PARD6G: variants seen among roughly 807,000 people sequenced by gnomAD.
PARD6G encodes par-6 family cell polarity regulator gamma, also known as partitioning defective 6 homolog gamma.
Under a neutral mutation model 10.7 loss-of-function variants are expected in PARD6G, and 7 were observed. The ratio of observed to expected loss-of-function variants is 0.66; its 90% CI spans 0.37 to 1.23. The LOEUF (loss-of-function observed/expected upper bound fraction) is 1.23, where lower values mean the gene tolerates loss of function less well. PARD6G is among the 50% of genes most tolerant of loss of function. The pLI is 0.02. For missense variants in PARD6G, 548 were observed against 571.8 expected (o/e 0.96, Z 0.42); for synonymous variants, 287 against 269.4 (o/e 1.07, Z -0.64).
rs112228484 is a variant in PARD6G at position 80,231,384 on chromosome 18, T to C, written c.72+15893A>G. On this transcript the variant is annotated intron_variant, in intron 1 of 2. Transcript: ENST00000353265. The surrounding 1 kb of genome is among the most constrained non-coding windows in gnomAD (Gnocchi z 4.2). ...GGAAGAAAGTGGGGTCCCATTCCGA[T>C]GTGAGCTCATGATACATGGAGGAAT... 6.6e-6 allele frequency among the ~76,000 whole-genome samples: 1 copy of C among 152,194 alleles called. No individual in the cohort carries two copies. Among genetic ancestry groups the C allele is most frequent in the Non-Finnish European group, 1.5e-5 (1 of 68,034 alleles).
rs773062517 is a variant in PARD6G, at chr18:80,206,571, T to C, written c.73-3639A>G. Among the ~76,000 whole-genome samples, 8 of 152,200 alleles carry C rather than the reference T, an allele frequency of 5.3e-5. 1 individual carries two copies. Among genetic ancestry groups the C allele is most frequent in the Non-Finnish European group, 4.4e-5 (3 of 68,040 alleles). On this transcript the variant is annotated intron_variant, in intron 1 of 2. Coordinates refer to ENST00000353265, the MANE Select transcript of PARD6G (RefSeq NM_032510.4). ...TGTCCTAACTGAACTGTCAGCTAATTATCAAAATAATTTTGAGAGACCACC... is the reference window on the plus strand; with the variant it reads ...TGTCCTAACTGAACTGTCAGCTAATCATCAAAATAATTTTGAGAGACCACC...
At chr18:80,162,922 G>A (rs1251799495) in intron 2 of PARD6G, among the ~76,000 whole-genome samples, 2 of 152,204 alleles carry the variant, frequency 1.3e-5, no homozygotes, top group African/African-American at 4.8e-5. Flanking sequence ...CTGGGACAGA[G>A]TGGGCTCTCC....
At chr18:80,205,149 A>T (rs1211828521) in intron 1 of PARD6G, among the ~76,000 whole-genome samples, 2 of 152,032 alleles carry the variant, frequency 1.3e-5, no homozygotes, top group East Asian at 1.9e-4. Context: ...ATCTCCTGCT[A>T]TTGTCAGAAG....
intron 1 of PARD6G, among the ~76,000 whole-genome samples, chr18:80,218,564 A>G (rs1967195418): frequency 6.6e-6 from 1 of 151,894 alleles, no homozygotes; most frequent in African/African-American, 2.4e-5. Flanking sequence ...GGTTGCTTTC[A>G]TGGGCTGGTA....
intron 1 of PARD6G, among the ~76,000 whole-genome samples, chr18:80,240,126 T>C (rs1319111093): frequency 6.6e-6 from 1 of 152,248 alleles, no homozygotes; most frequent in Non-Finnish European, 1.5e-5. Context: ...TCCACCTCCA[T>C]GACCCAAACA....
In PARD6G at chr18:80,160,203, C is replaced by T. The variant is rs927230437; in HGVS notation, c.699G>A (p.Thr233=). 14 of 1,613,154 alleles carry T rather than the reference C, an allele frequency of 8.7e-6. No individual in the cohort carries two copies. Among genetic ancestry groups the T allele is most frequent in the Admixed American group, 6.7e-5 (4 of 60,000 alleles). Residue 233 remains threonine, a synonymous_variant, in exon 3 of 3, where the codon ACG becomes ACA. Transcript: ENST00000353265. ...TGTGGCTGTTGGCGATCATCATGTC[C>T]GTGACCTGGTCCAGCGTCTTCCCGG... ...EVAGKTLDQV[T]DMMIANSHNL...
intron 1 of PARD6G, among the ~76,000 whole-genome samples, chr18:80,219,886 A>G (rs903081189): frequency 1.3e-5 from 2 of 151,936 alleles, no homozygotes; most frequent in African/African-American, 2.4e-5. Context: ...ACATTTCCCT[A>G]TCTTCTTCTG....
rs926138854 is a variant in PARD6G at position 80,180,969 on chromosome 18, G to A, written c.296-20363C>T. 7.2e-5 allele frequency among the ~76,000 whole-genome samples: 11 copies of A among 152,338 alleles called. No individual in the cohort carries two copies. The South Asian group carries it at 8.3e-4, about 11-fold the overall frequency. On this transcript the variant is annotated intron_variant, in intron 2 of 2. Transcript: ENST00000353265. This position sits in a 1 kb window ranked among gnomAD's most constrained non-coding sequence, Gnocchi z 5.6. ...AGCAAAGAAATGTCCAGCGCAGAAC[G>A]TCAGCAGTGCTGAGGGTAAGAACCC...
chr18:80,234,851 C>T (rs1967401393), intron 1 of PARD6G, among the ~76,000 whole-genome samples: 1 of 152,196 alleles, frequency 6.6e-6, no homozygotes, highest in Admixed American at 6.5e-5. Context: ...CACCCAGATT[C>T]ATAAAGCAAG....
At chr18:80,239,936 T>C (rs1256607954) in intron 1 of PARD6G, among the ~76,000 whole-genome samples, 1 of 151,826 alleles carries the variant, frequency 6.6e-6, no homozygotes, top group African/African-American at 2.4e-5. Flanking sequence ...GGAGGGCTTC[T>C]GGCTGCTTCT....
intron 1 of PARD6G, among the ~76,000 whole-genome samples, chr18:80,207,716 C>G (rs1967067083): frequency 6.6e-6 from 1 of 152,168 alleles, no homozygotes; most frequent in Non-Finnish European, 1.5e-5. Flanking sequence ...ATCTTGCAAG[C>G]TAGAACCCTA....
At position 80,231,357 on chromosome 18, in the gene PARD6G, G is replaced by A. The variant is rs760560513; in HGVS notation, c.72+15920C>T. Among the ~76,000 whole-genome samples the A allele has an allele frequency of 4.6e-5, 7 of 152,208 alleles. No individual in the cohort carries two copies. The highest frequency in any genetic ancestry group is 1.4e-4 in the African/African-American group (6 of 41,448). On this transcript the variant is annotated intron_variant, in intron 1 of 2. Transcript: ENST00000353265. This position sits in a 1 kb window ranked among gnomAD's most constrained non-coding sequence, Gnocchi z 4.2. Reference sequence around the variant, plus strand: ...AGGCAGAAGCCTCGAACTCCAGCCCGTGGAAGAAAGTGGGGTCCCATTCCG... The same window carrying A: ...AGGCAGAAGCCTCGAACTCCAGCCCATGGAAGAAAGTGGGGTCCCATTCCG...
At position 80,159,255 on chromosome 18, in the gene PARD6G, TG is replaced by T. The variant is rs1210897070; in HGVS notation, c.*515del. On this transcript the variant is annotated 3_prime_UTR_variant, in exon 3 of 3. Coordinates refer to ENST00000353265, the MANE Select transcript of PARD6G (RefSeq NM_032510.4). ...AGCCCACGTAGGCCTCCCAAAGTGC[TG>T]GGATTACAGACGTGAGCCACTGCAC... 1.3e-5 allele frequency: 2 copies of T among 152,406 alleles called. No individual in the cohort carries two copies. Among genetic ancestry groups the T allele is most frequent in the African/African-American group, 2.4e-5 (1 of 41,426 alleles). 9.4% of individuals were successfully genotyped at this position (152,406 alleles called of 1,614,324 possible). A position where few individuals can be genotyped will look rare whatever the true frequency, so the allele number is the denominator to read the frequency against.
intron 2 of PARD6G, among the ~76,000 whole-genome samples, chr18:80,172,636 C>T (rs578221719): frequency 5.3e-4 from 81 of 152,322 alleles, no homozygotes; most frequent in African/African-American, 1.9e-3. Flanking sequence ...CTGCCTGCCT[C>T]GTTCTCCCAA....
At chr18:80,242,621 G>A (rs1967502968) in intron 1 of PARD6G, among the ~76,000 whole-genome samples, 1 of 152,202 alleles carries the variant, frequency 6.6e-6, no homozygotes, top group Non-Finnish European at 1.5e-5. Flanking sequence ...CTGGGGGCAA[G>A]GTCACAACAC....
At chr18:80,185,864 G>C (rs575479329) in intron 2 of PARD6G, among the ~76,000 whole-genome samples, 1 of 96,274 alleles carries the variant, frequency 1.0e-5, no homozygotes, top group East Asian at 3.3e-4. Context: ...GCACCCTCTC[G>C]CATATACTGT....
intron 1 of PARD6G, among the ~76,000 whole-genome samples, chr18:80,229,475 G>C (rs747468991): frequency 2.0e-5 from 3 of 152,190 alleles, no homozygotes; most frequent in Non-Finnish European, 4.4e-5. Context: ...CCCAGGCAAG[G>C]TCATTTCAGA....
chr18:80,195,559 A>ATATATATATATG (rs1555736133), intron 2 of PARD6G, among the ~76,000 whole-genome samples: 1 of 95,864 alleles, frequency 1.0e-5, no homozygotes, highest in South Asian at 3.4e-4. Context: ...ATATATATAT[A>ATATATATATATG]TATATATATA....
intron 1 of PARD6G, among the ~76,000 whole-genome samples, chr18:80,227,862 G>C (rs1362342779): frequency 6.6e-6 from 1 of 151,860 alleles, no homozygotes; most frequent in East Asian, 1.9e-4. Flanking sequence ...CAGGGCTTCA[G>C]ACCATTCACG....
Sources: allele counts gnomAD v4.1 joint callset (sites outside exome capture counted in the v4.1 genomes callset), GRCh38; gene constraint gnomAD v4.1.1; non-coding constraint Gnocchi (gnomAD v3.1); transcripts MANE v1.5; gene names NCBI Gene and HGNC (gene_info 2026-07-23, HGNC 2026-07-21).